The following NBPF9 variants were observed in gnomAD, a reference collection of about 807,000 sequenced individuals.
NBPF9 encodes the protein NBPF member 9, also known as NBPF family member NBPF9.
A neutral mutation model predicts 97.8 loss-of-function variants in NBPF9; 91 were observed. The ratio of observed to expected loss-of-function variants is 0.93; its 90% CI spans 0.79 to 1.11. The LOEUF is 1.11. NBPF9 is among the 50% of genes least tolerant of loss of function. The pLI is 0.00. For synonymous variants in NBPF9, 334 were observed against 359.5 expected (o/e 0.93, Z 0.80); for missense variants, 992 against 939.5 (o/e 1.06, Z -0.73).
At chr1:149,095,491 T>C (rs2081686958) in intron 4 of NBPF9, among the ~76,000 whole-genome samples, 1 of 148,774 alleles carries the variant, frequency 6.7e-6, no homozygotes, top group Non-Finnish European at 1.5e-5. Context: ...AAAACTTCTG[T>C]TGTGTGAAAG....
chr1:149,075,538 T>C (rs1553654071), intron 12 of NBPF9, 117 bp downstream of exon 12: 1 of 1,308,396 alleles, frequency 7.6e-7, no homozygotes, highest in Non-Finnish European at 1.1e-6. Context: ...CCCATTTCTG[T>C]TTTCCTAGAA....
In NBPF9 at chr1:149,074,255, C is replaced by T. The variant is rs587708854; in HGVS notation, c.989-385G>A. On this transcript the variant is annotated intron_variant, in intron 12 of 29. Transcript: ENST00000584027. ...GATTTCTTGTACAGTCGGGAAGGCC[C>T]CTAGGACTATGGGACTGATGGTTTC... is the stretch of plus-strand genomic sequence containing the variant. Among the ~76,000 whole-genome samples, 3 of 151,266 alleles carry T rather than the reference C, an allele frequency of 2.0e-5. No homozygotes were observed. The South Asian group carries it at 6.3e-4, about 32-fold the overall frequency.
Position 149,070,925 on chromosome 1 carries a change from A to G in NBPF9, c.1585+9T>C, listed in dbSNP as rs782223067. On this transcript the variant is annotated intron_variant, in intron 16 of 29. Transcript: ENST00000584027. ...GAGAGGTATGAGACACAAGGAAAAC[A>G]GAGGCTACCTGGAATAATGTGTACA... 1 of 1,612,294 alleles carries G rather than the reference A, an allele frequency of 6.2e-7. No individual in the cohort carries two copies. The highest frequency in any genetic ancestry group is 1.1e-5 in the South Asian group (1 of 90,994).
At chr1:149,103,100 CT>C (rs1240924849) in intron 1 of NBPF9, among the ~76,000 whole-genome samples, 200 bp downstream of exon 1, 2 of 152,058 alleles carry the variant, frequency 1.3e-5, no homozygotes, top group African/African-American at 2.4e-5. Context: ...GAGATGAGGG[CT>C]GCGGGCGGCA....
In NBPF9 at chr1:149,064,971, G is replaced by C. The variant is rs1179446622; in HGVS notation, c.1802-489C>G. The stretch of plus-strand genomic sequence containing the variant: ...TATGGCTTTTGTGGGTGAAAAGTCA[G>C]CCATTTATCTAGAAAACATACCAGG... On this transcript the variant is annotated intron_variant, in intron 18 of 29. Coordinates refer to ENST00000584027, the Ensembl canonical transcript of NBPF9. 6 of 534,736 alleles carry C rather than the reference G, an allele frequency of 1.1e-5. 1 individual carries two copies. The highest frequency in any genetic ancestry group is 2.0e-5 in the Non-Finnish European group (6 of 300,812). The allele number at this position is 534,736 out of a possible 1,614,324, so 33.1% of individuals were successfully genotyped here. A position where few individuals can be genotyped will look rare whatever the true frequency, so the allele number is the denominator to read the frequency against.
chr1:149,079,351 G>C (rs2152905605), intron 8 of NBPF9, 130 bp from the exon 9 acceptor site: 1 of 956,388 alleles, frequency 1.0e-6, no homozygotes, highest in East Asian at 2.5e-5. Flanking sequence ...CATGTTGAAA[G>C]GAATGTCTGT....
intron 14 of NBPF9, among the ~76,000 whole-genome samples, chr1:149,071,911 G>C (rs150705934): frequency 6.6e-6 from 1 of 151,788 alleles, no homozygotes; most frequent in Admixed American, 6.6e-5. Context: ...AAGACCTTTC[G>C]CTTCCCATAT....
At chr1:149,059,189 T>C (rs2078438361) in intron 25 of NBPF9, 92 bp from the exon 26 acceptor site, 1 of 428,458 alleles carries the variant, frequency 2.3e-6, no homozygotes, top group Non-Finnish European at 4.3e-6. Flanking sequence ...AAGGAACTGT[T>C]TAAAAAGAAA....
chr1:149,099,463 C>G (rs1213712249), intron 3 of NBPF9, among the ~76,000 whole-genome samples: 4 of 152,150 alleles, frequency 2.6e-5, no homozygotes, highest in Non-Finnish European at 5.9e-5. Context: ...TTCATTCATT[C>G]ATTTAACAAA....
chr1:149,080,848 C>A (rs1559535418), intron 7 of NBPF9, among the ~76,000 whole-genome samples: 1 of 149,854 alleles, frequency 6.7e-6, no homozygotes. Flanking sequence ...CAGGAAATGC[C>A]TCATGTAATT....
chr1:149,055,764 A>C (rs1456947604), exon 30 of NBPF9: 1 of 1,611,578 alleles, frequency 6.2e-7, no homozygotes, highest in African/African-American at 1.3e-5. Flanking sequence ...GCTGTTCCTC[A>C]AATGAGTAAA....
intron 7 of NBPF9, among the ~76,000 whole-genome samples, chr1:149,080,406 G>T (rs1166231127): frequency 6.0e-5 from 9 of 150,680 alleles, no homozygotes; most frequent in Admixed American, 5.3e-4. Flanking sequence ...CAACCACAAC[G>T]AAGTGGAGTC....
At chr1:149,085,077 T>A (rs1490962118) in intron 5 of NBPF9, among the ~76,000 whole-genome samples, 1 of 151,970 alleles carries the variant, frequency 6.6e-6, no homozygotes, top group Non-Finnish European at 1.5e-5. Flanking sequence ...TTCCTTCACA[T>A]ACACACACCA....
At chr1:149,100,925 C>A (rs184183336) in intron 3 of NBPF9, among the ~76,000 whole-genome samples, 1 of 149,580 alleles carries the variant, frequency 6.7e-6, no homozygotes, top group South Asian at 2.1e-4. Context: ...TAGAGTGAGG[C>A]CCTGTCTGAA....
rs2079981460 is a variant in NBPF9 at position 149,077,418 on chromosome 1, C to A, written c.568G>T (p.Glu190Ter). Residue 190 changes from glutamate (E) to a stop codon, truncating the protein, a stop_gained and splice_region_variant, in exon 11 of 30, where the codon GAG becomes TAG. Coordinates refer to ENST00000584027, the Ensembl canonical transcript of NBPF9. LOFTEE classifies it high-confidence loss of function. ...TTGCTCTCTTCAGCCTTCTGCACCT[C>A]CCTGATGAGCCAGGTGGGACAGAGA... The A allele has an allele frequency of 6.2e-7, 1 of 1,609,118 alleles. No homozygotes were observed. Among genetic ancestry groups the A allele is most frequent in the South Asian group, 1.1e-5 (1 of 90,918 alleles).
intron 5 of NBPF9, among the ~76,000 whole-genome samples, chr1:149,082,913 G>A (rs1409319555): frequency 6.8e-6 from 1 of 146,304 alleles, no homozygotes; most frequent in Non-Finnish European, 1.5e-5. Context: ...CCAAGTAGCT[G>A]GGAATACAGG....
intron 5 of NBPF9, among the ~76,000 whole-genome samples, chr1:149,084,305 A>G (rs1295769316): frequency 6.8e-6 from 1 of 147,460 alleles, no homozygotes; most frequent in Non-Finnish European, 1.5e-5. Flanking sequence ...ACATGTATAC[A>G]CGTATATATA....
exon 30 of NBPF9, chr1:149,055,450 G>C (rs1365744458): frequency 1.2e-6 from 1 of 837,468 alleles, no homozygotes; most frequent in South Asian, 1.7e-5. Flanking sequence ...GCACAGTTAT[G>C]TGAACGTGTC....
At chr1:149,065,860 C>G (rs1471895787) in intron 17 of NBPF9, 171 bp from the exon 18 acceptor site, 2 of 794,532 alleles carry the variant, frequency 2.5e-6, no homozygotes, top group Non-Finnish European at 4.0e-6. Flanking sequence ...TGGAGGGTGA[C>G]TGCTCTGGGG....
Sources: allele counts gnomAD v4.1 joint callset (sites outside exome capture counted in the v4.1 genomes callset), GRCh38; gene constraint gnomAD v4.1.1; transcripts MANE v1.5; gene names NCBI Gene and HGNC (gene_info 2026-07-23, HGNC 2026-07-21).